The following BRWD3 variants were observed in gnomAD, a reference collection of about 807,000 sequenced individuals.
BRWD3 encodes the protein bromodomain and WD repeat domain containing 3, also known as bromodomain and WD repeat-containing protein 3.
Under a neutral mutation model 149.7 loss-of-function variants are expected in BRWD3, and 10 were observed. The observed-to-expected ratio is 0.07, with a 90% CI of 0.04 to 0.11. The LOEUF is 0.11. BRWD3 is among the 10% of genes least tolerant of loss of function. The pLI is 1.00. For synonymous variants in BRWD3, 504 were observed against 456.7 expected, an observed-to-expected ratio of 1.10 and a Z score of -1.32; for missense variants, 940 against 1,373.2, an observed-to-expected ratio of 0.68 and a Z score of 4.99.
intron 12 of BRWD3, among the ~76,000 whole-genome samples, chrX:80,731,521 T>C (rs976943954): frequency 9.0e-6 from 1 of 111,466 alleles, no homozygotes; most frequent in Non-Finnish European, 1.9e-5. Flanking sequence ...TACTCTCAAA[T>C]TGGACAAAAA....
chrX:80,717,472 T>A, intron 19 of BRWD3, 101 bp downstream of exon 19: 1 of 854,460 alleles, frequency 1.2e-6, no homozygotes, highest in Admixed American at 2.4e-5. Flanking sequence ...CTAAACTATA[T>A]TTTAAAATTC....
In BRWD3 at chrX:80,736,104, ATCTGATTCAAAT is replaced by A; in HGVS notation, c.814-28_814-17del. The A allele has an allele frequency of 9.7e-7, 1 of 1,028,436 alleles. No homozygotes were observed. Among genetic ancestry groups the A allele is most frequent in the Non-Finnish European group, 1.3e-6 (1 of 741,100 alleles). The allele number at this position is 1,028,436 out of a possible 1,213,427, so 84.8% of individuals were successfully genotyped here. A position where few individuals can be genotyped will look rare whatever the true frequency, so the allele number is the denominator to read the frequency against. On this transcript the variant is annotated splice_polypyrimidine_tract_variant and intron_variant, in intron 8 of 40. Coordinates refer to ENST00000373275, the MANE Select transcript of BRWD3 (RefSeq NM_153252.5). ...ATGGACAAAACTTAAAAAAAAAAAA[ATCTGATTCAAAT>A]AAAAAGTTTTCATGTTCAGCCTAAC... is the stretch of plus-strand genomic sequence containing the variant.
At chrX:80,752,187 C>T (rs1430111217) in intron 6 of BRWD3, among the ~76,000 whole-genome samples, 3 of 108,399 alleles carry the variant, frequency 2.8e-5, no homozygotes, top group Non-Finnish European at 3.8e-5. Flanking sequence ...TAATCTTTTG[C>T]TGTTGTTTTA....
intron 40 of BRWD3, among the ~76,000 whole-genome samples, chrX:80,678,189 A>G (rs1225743521): frequency 8.9e-6 from 1 of 112,477 alleles, no homozygotes; most frequent in Non-Finnish European, 1.9e-5. Context: ...AGACATGACA[A>G]AGGATATGTC....
chrX:80,706,782 C>A (rs1039505805), intron 22 of BRWD3, among the ~76,000 whole-genome samples: 1 of 112,970 alleles, frequency 8.9e-6, no homozygotes, highest in East Asian at 2.8e-4. Flanking sequence ...GTACACCCTG[C>A]TACGCAGGAG....
intron 4 of BRWD3, among the ~76,000 whole-genome samples, chrX:80,794,395 T>C (rs1355987496): frequency 2.8e-5 from 3 of 107,488 alleles, no homozygotes; most frequent in African/African-American, 1.0e-4. Flanking sequence ...ATCTCAGCTA[T>C]TCGGGAGGCT....
chrX:80,682,426 G>C, intron 38 of BRWD3, 39 bp downstream of exon 38: 1 of 1,186,291 alleles, frequency 8.4e-7, no homozygotes, highest in Non-Finnish European at 1.1e-6. Context: ...CATACAAAAT[G>C]CTTTGAGAAC....
chrX:80,793,280 A>T (rs2074202985), intron 5 of BRWD3, among the ~76,000 whole-genome samples: 1 of 109,896 alleles, frequency 9.1e-6, no homozygotes, highest in Admixed American at 9.9e-5. Flanking sequence ...GTACAATATC[A>T]TTAGGATGAC....
chrX:80,723,709 C>T (rs1424375823), intron 16 of BRWD3, 39 bp downstream of exon 16: 2 of 1,199,513 alleles, frequency 1.7e-6, no homozygotes, highest in Non-Finnish European at 2.3e-6. Context: ...ATGACACAAT[C>T]CTAAATTATA....
intron 36 of BRWD3, 121 bp from the exon 37 acceptor site, chrX:80,684,283 A>C (rs1257641751): frequency 4.8e-6 from 3 of 620,832 alleles, no homozygotes; most frequent in Non-Finnish European, 2.5e-6. Context: ...TCAATGTGCC[A>C]ACTACCTCCC....
At chrX:80,786,770 A>G (rs2074112599) in intron 6 of BRWD3, among the ~76,000 whole-genome samples, 1 of 111,902 alleles carries the variant, frequency 8.9e-6, no homozygotes, top group Admixed American at 9.5e-5. Flanking sequence ...TCGGCCTCCC[A>G]AAGTGCTGGA....
intron 6 of BRWD3, among the ~76,000 whole-genome samples, chrX:80,751,255 G>A (rs2073663607): frequency 8.9e-6 from 1 of 111,891 alleles, no homozygotes; most frequent in African/African-American, 3.2e-5. Flanking sequence ...GATTTGTAAT[G>A]TTCTCACCAC....
rs750923765 is a variant in BRWD3, at chrX:80,682,572, G to T, written c.4290C>A (p.Ile1430=). The change falls in exon 38 of 41, where the codon ATC becomes ATA. Residue 1430 remains isoleucine (I), a synonymous_variant. Transcript: ENST00000373275. ...GGATTGCTGACTTATATTCAGAGATGATATTTTTGATATGACTTTCAAATA... is the reference window on the plus strand; with the variant it reads ...GGATTGCTGACTTATATTCAGAGATTATATTTTTGATATGACTTTCAAATA... ...SALFESHIKN[I]ISEYKSAIQS... 2.5e-6 allele frequency: 3 copies of T among 1,208,364 alleles called. No homozygotes were observed. The highest frequency in any genetic ancestry group is 3.0e-5 in the East Asian group (1 of 33,780).
In BRWD3 at chrX:80,670,365, A is replaced by G. The variant is rs1302636505; in HGVS notation, c.*6244T>C. Among the ~76,000 whole-genome samples the G allele has an allele frequency of 9.0e-6, 1 of 111,197 alleles. No homozygotes were observed. The highest frequency in any genetic ancestry group is 3.3e-5 in the African/African-American group (1 of 30,559). ...TTGGTTTTATTTTGCACATTTTGGT[A>G]AAGTAGCTTTAAATTGTCAAGAACA... On this transcript the variant is annotated 3_prime_UTR_variant, in exon 41 of 41. Transcript: ENST00000373275.
intron 8 of BRWD3, among the ~76,000 whole-genome samples, chrX:80,741,156 G>A (rs780453002): frequency 2.1e-3 from 233 of 110,310 alleles, no homozygotes; most frequent in Non-Finnish European, 3.6e-3. Context: ...GAGAACATGC[G>A]GTGTTCGGTT....
chrX:80,751,981 CATTATTATTATTATTATTATTATT>C (rs199879142), intron 6 of BRWD3, among the ~76,000 whole-genome samples: 5 of 87,762 alleles, frequency 5.7e-5, no homozygotes, highest in Non-Finnish European at 1.1e-4. Flanking sequence ...ATTCATATTT[CATTATTATTATTATTATTATTATT>C]ATTATTATTA....
At chrX:80,755,976 A>T (rs918549140) in intron 6 of BRWD3, among the ~76,000 whole-genome samples, 1 of 112,121 alleles carries the variant, frequency 8.9e-6, no homozygotes, top group Non-Finnish European at 1.9e-5. Context: ...GGAAATTTTT[A>T]AAATTTCACT....
rs1306638857 is a variant in BRWD3, at chrX:80,809,480, C to G, written c.-9G>C. ...GTAGGTGCTGCCGCCATCCTTTTCC[C>G]GAGGGGGTTTGGGGGCTTCGCTCCG... On this transcript the variant is annotated 5_prime_UTR_variant, in exon 1 of 41. Transcript: ENST00000373275. 6.3e-6 allele frequency: 7 copies of G among 1,108,254 alleles called. No individual in the cohort carries two copies. Among genetic ancestry groups the G allele is most frequent in the African/African-American group, 1.8e-5 (1 of 54,311 alleles). 91.3% of individuals were successfully genotyped at this position (1,108,254 alleles called of 1,213,427 possible). A position where few individuals can be genotyped will look rare whatever the true frequency, so the allele number is the denominator to read the frequency against.
intron 6 of BRWD3, 55 bp downstream of exon 6, chrX:80,791,799 G>A: frequency 1.1e-6 from 1 of 931,585 alleles, no homozygotes; most frequent in Non-Finnish European, 1.5e-6. Context: ...TTCCTAATGA[G>A]TTCAGGAAGG....
Sources: gnomAD v4.1 joint callset for allele counts (sites outside exome capture counted in the v4.1 genomes callset) on GRCh38, gnomAD v4.1.1 for gene constraint, MANE v1.5 for transcripts, NCBI Gene and HGNC (gene_info 2026-07-23, HGNC 2026-07-21) for gene names.